PRKACB: variants seen among roughly 807,000 people sequenced by gnomAD.
The protein encoded by PRKACB is cAMP-dependent protein kinase catalytic subunit beta.
Under a neutral mutation model 51.4 loss-of-function variants are expected in PRKACB, and 16 were observed. The ratio of observed to expected loss-of-function variants is 0.31; its 90% CI spans 0.21 to 0.47. The LOEUF (loss-of-function observed/expected upper bound fraction) is 0.47, where lower values mean the gene tolerates loss of function less well. Among genes scored for constraint, PRKACB ranks in the 20% least tolerant of loss-of-function variants. The probability of loss-of-function intolerance (pLI) is 1.00; values close to 1 mark genes in which losing one functional copy is unlikely to be tolerated. For missense variants in PRKACB, 309 were observed against 464.5 expected (o/e 0.67, Z 3.08); for synonymous variants, 147 against 154.4 (o/e 0.95, Z 0.35).
At chr1:84,092,776 A>G (rs1332669222) in intron 1 of PRKACB, among the ~76,000 whole-genome samples, 1 of 151,738 alleles carries the variant, frequency 6.6e-6, no homozygotes, top group East Asian at 1.9e-4. Context: ...AATTATACCT[A>G]TTCTGGTAAA....
At position 84,130,145 on chromosome 1, in the gene PRKACB, G is replaced by A. The variant is rs538269080; in HGVS notation, c.47-49032G>A. Among the ~76,000 whole-genome samples, 223 of 136,128 alleles carry A rather than the reference G, an allele frequency of 1.6e-3. 1 individual carries two copies. Among genetic ancestry groups the A allele is most frequent in the Non-Finnish European group, 2.7e-3 (176 of 65,254 alleles). 89.3% of individuals were successfully genotyped at this position (136,128 alleles called of 152,430 possible). ...GCGGAGCTTGCAGTGAGCCAAGATC[G>A]TGCCATTGCACTCCAGCCTAGGCAA... On this transcript the variant is annotated intron_variant, in intron 1 of 8. Transcript: ENST00000370688.
At chr1:84,110,051 T>C (rs943983346) in intron 1 of PRKACB, among the ~76,000 whole-genome samples, 6 of 151,926 alleles carry the variant, frequency 3.9e-5, no homozygotes, top group Non-Finnish European at 7.4e-5. Flanking sequence ...AAAGTGCATG[T>C]GTATGTGTAT....
intron 5 of PRKACB, among the ~76,000 whole-genome samples, chr1:84,192,895 T>C (rs1458130036): frequency 1.3e-5 from 2 of 152,180 alleles, no homozygotes; most frequent in African/African-American, 4.8e-5. Context: ...TGATTCGGTT[T>C]AATGCCAAAT....
At chr1:84,195,932 T>C (rs2101193526) in intron 5 of PRKACB, among the ~76,000 whole-genome samples, 1 of 150,516 alleles carries the variant, frequency 6.6e-6, no homozygotes, top group South Asian at 2.1e-4. Context: ...AAAAAAGAAC[T>C]GTACGTATTT....
intron 1 of PRKACB, among the ~76,000 whole-genome samples, chr1:84,159,315 T>A (rs1571892013): frequency 6.6e-6 from 1 of 152,100 alleles, no homozygotes; most frequent in Admixed American, 6.6e-5. Flanking sequence ...TTAATTTCTT[T>A]AGCGTTCCAG....
chr1:84,111,828 G>GATATATATATATATATATAT (rs569118584), intron 1 of PRKACB, among the ~76,000 whole-genome samples: 20 of 151,694 alleles, frequency 1.3e-4, no homozygotes, highest in African/African-American at 4.4e-4. Flanking sequence ...TGCAAGACCT[G>GATATATATATATATATATAT]ATATATATAT....
intron 1 of PRKACB, among the ~76,000 whole-genome samples, chr1:84,149,236 G>A (rs1238000593): frequency 2.0e-5 from 3 of 151,776 alleles, no homozygotes; most frequent in African/African-American, 7.3e-5. Context: ...TCTATTTTGT[G>A]TATAGACACA....
At chr1:84,162,924 G>T (rs567251756) in intron 1 of PRKACB, among the ~76,000 whole-genome samples, 1 of 151,942 alleles carries the variant, frequency 6.6e-6, no homozygotes, top group Admixed American at 6.6e-5. Context: ...TTTTCCCTGA[G>T]GGTTGGTTTT....
intron 1 of PRKACB, among the ~76,000 whole-genome samples, chr1:84,113,831 TA>T (rs1375351592): frequency 1.3e-5 from 2 of 152,216 alleles, no homozygotes; most frequent in African/African-American, 4.8e-5. Context: ...TGCTCAGGGA[TA>T]GGGGTGAGAA....
At chr1:84,161,052 A>T (rs890927439) in intron 1 of PRKACB, among the ~76,000 whole-genome samples, 3 of 151,816 alleles carry the variant, frequency 2.0e-5, no homozygotes, top group African/African-American at 7.2e-5. Context: ...TCCATCAATT[A>T]TTGAGAGAGA....
chr1:84,123,017 A>G (rs1391269885), intron 1 of PRKACB, among the ~76,000 whole-genome samples: 1 of 152,174 alleles, frequency 6.6e-6, no homozygotes, highest in East Asian at 1.9e-4. Flanking sequence ...AGCTTATAAT[A>G]TTGTGAGGTA....
chr1:84,087,787 T>A (rs1025153020), intron 1 of PRKACB, among the ~76,000 whole-genome samples: 1 of 152,226 alleles, frequency 6.6e-6, no homozygotes, highest in African/African-American at 2.4e-5. Context: ...TAAGGTTTAC[T>A]ACTATTATGC....
At chr1:84,215,832 T>G (rs1672798339) in intron 9 of PRKACB, among the ~76,000 whole-genome samples, 1 of 152,154 alleles carries the variant, frequency 6.6e-6, no homozygotes, top group Non-Finnish European at 1.5e-5. Context: ...TAAAGATGAT[T>G]TGCATGAATA....
At position 84,202,555 on chromosome 1, in the gene PRKACB, G is replaced by C. The variant is rs578082398; in HGVS notation, c.784-128G>C. ...TTGGTTCATTTTTAAATTCTGTCCT[G>C]AATAGCTGCTCAGCAATTGCTTTAA... On this transcript the variant is annotated intron_variant, in intron 7 of 9. Transcript: ENST00000370685. 3.3e-5 allele frequency: 28 copies of C among 856,654 alleles called. No homozygotes were observed. The African/African-American group carries it at 4.6e-4, about 14-fold the overall frequency. 53.1% of individuals were successfully genotyped at this position (856,654 alleles called of 1,614,324 possible).
At chr1:84,094,990 C>T (rs1648811870) in intron 1 of PRKACB, among the ~76,000 whole-genome samples, 1 of 151,892 alleles carries the variant, frequency 6.6e-6, no homozygotes, top group Admixed American at 6.6e-5. Flanking sequence ...CTACAGAATT[C>T]AGTTAGTAAC....
intron 1 of PRKACB, 123 bp downstream of exon 1, chr1:84,144,671 G>A: frequency 9.4e-7 from 1 of 1,061,980 alleles, no homozygotes; most frequent in South Asian, 1.7e-5. Context: ...AGGACATTTT[G>A]CAAGATGAAG....
intron 1 of PRKACB, among the ~76,000 whole-genome samples, chr1:84,165,959 AG>A (rs1657306828): frequency 6.6e-6 from 1 of 151,726 alleles, no homozygotes; most frequent in African/African-American, 2.4e-5. Flanking sequence ...AGAAACTGAA[AG>A]GTGGATTTTT....
chr1:84,196,885 T>C, intron 6 of PRKACB, 143 bp downstream of exon 6: 2 of 912,128 alleles, frequency 2.2e-6, no homozygotes, highest in Non-Finnish European at 3.2e-6. Flanking sequence ...TTTGCTGCTA[T>C]TACAGAGAAG....
At chr1:84,085,976 C>T in intron 1 of PRKACB, 1 of 711,308 alleles carries the variant, frequency 1.4e-6, no homozygotes, top group Non-Finnish European at 2.6e-6. Flanking sequence ...GACGCCAGTG[C>T]TTGTGGATTT....
Sources: gnomAD v4.1 joint callset for allele counts (sites outside exome capture counted in the v4.1 genomes callset) on GRCh38, gnomAD v4.1.1 for gene constraint, MANE v1.5 for transcripts, NCBI Gene and HGNC (gene_info 2026-07-23, HGNC 2026-07-21) for gene names.